The following GAMT variants were observed in gnomAD, a reference collection of about 807,000 sequenced individuals.
The protein encoded by GAMT is guanidinoacetate N-methyltransferase, also known as epididymis secretory protein Li 20.
Under a neutral mutation model 26.9 loss-of-function variants are expected in GAMT, and 26 were observed. That is an observed-to-expected ratio of 0.97 (90% CI 0.71 to 1.34). The LOEUF (loss-of-function observed/expected upper bound fraction) is 1.34, where lower values mean the gene tolerates loss of function less well. GAMT is among the 40% of genes most tolerant of loss of function. The pLI is 0.00. For missense variants in GAMT, 412 were observed against 345.0 expected (o/e 1.19, Z -1.54); for synonymous variants, 169 against 149.6 (o/e 1.13, Z -0.95).
intron 1 of GAMT, 30 bp downstream of exon 1, chr19:1,401,266 C>A: frequency 7.1e-7 from 1 of 1,416,574 alleles, no homozygotes; most frequent in East Asian, 2.9e-5. Context: ...CCTGCGCCCC[C>A]GGGGGCGGTG....
At position 1,397,317 on chromosome 19, in the gene GAMT, G is replaced by T; in HGVS notation, c.*42C>A. 3 of 1,583,254 alleles carry T rather than the reference G, an allele frequency of 1.9e-6. No homozygotes were observed. The highest frequency in any genetic ancestry group is 2.6e-6 in the Non-Finnish European group (3 of 1,167,260). On this transcript the variant is annotated 3_prime_UTR_variant, in exon 6 of 6. Transcript: ENST00000252288. ...ACACCCTGGACTCCCGGCCAGGAAG[G>T]CACGGAGGAGGGCATGGGTGTGGCC...
intron 5 of GAMT, chr19:1,397,739 C>A: frequency 7.1e-7 from 1 of 1,408,658 alleles, no homozygotes; most frequent in Non-Finnish European, 9.3e-7. Flanking sequence ...CGAGCCACCC[C>A]CGGGCACCTA....
intron 1 of GAMT, among the ~76,000 whole-genome samples, chr19:1,400,749 G>C (rs2082629306): frequency 6.6e-6 from 1 of 152,204 alleles, no homozygotes; most frequent in South Asian, 2.1e-4. Flanking sequence ...CATTTTCAGG[G>C]TGGGAACACT....
rs1555777024 is a variant in GAMT, at chr19:1,398,979, G to A, written c.507C>T (p.Cys169=). 21 of 1,613,366 alleles carry A rather than the reference G, an allele frequency of 1.3e-5. No individual in the cohort carries two copies. In the East Asian group the frequency reaches 4.2e-4, roughly 33 times the overall value. ...LLKPGGVLTY[C]NLTSWGELMK... ...TCAGCTCCCCCCAGGAGGTGAGGTT[G>A]CAGTAGGTGAGGACGCCCCCCGGCT... Residue 169 remains cysteine (C), a synonymous_variant, in exon 5 of 6, where the codon TGC becomes TGT. Transcript: ENST00000252288.
chr19:1,399,244 C>T lies in GAMT; in HGVS notation c.392-49G>A. ...GCGGTCAGGGCCGGGCTCAGCGCCT[C>T]ACCCAGCCTCACCCGGCTCATCCCC... On this transcript the variant is annotated intron_variant, in intron 3 of 5. Transcript: ENST00000252288. This position sits in a 1 kb window ranked among gnomAD's most constrained non-coding sequence, Gnocchi z 6.2. The T allele has an allele frequency of 6.3e-7, 1 of 1,584,010 alleles. No homozygotes were observed. Among genetic ancestry groups the T allele is most frequent in the South Asian group, 1.1e-5 (1 of 90,490 alleles).
intron 1 of GAMT, among the ~76,000 whole-genome samples, chr19:1,400,680 A>G (rs266807): frequency 0.37 from 56,026 of 152,164 alleles, 11,952 homozygotes; most frequent in Non-Finnish European, 0.49. Flanking sequence ...ACTGGTCCCC[A>G]GTGGGCCACA....
rs774689819 is a variant in GAMT at position 1,399,840 on chromosome 19, C to T, written c.280G>A (p.Gly94Ser). The T allele has an allele frequency of 3.8e-6, 6 of 1,593,840 alleles. No homozygotes were observed. Among genetic ancestry groups the T allele is most frequent in the South Asian group, 1.1e-5 (1 of 88,040 alleles). The change falls in exon 2 of 6, where the codon GGC (glycine) becomes AGC (serine). Residue 94 changes from glycine (G) to serine (S), a missense_variant. Physicochemically the swap from Gly to Ser is moderately conservative, Grantham distance 56 (BLOSUM62 0). Transcript: ENST00000252288. The surrounding 1 kb of genome is among the most constrained non-coding windows in gnomAD (Gnocchi z 6.2). ...CAGTCCCGGAGCCGCTGGAAGACGCCGTCATTGCACTCGATGATCCAATGC... is the reference window on the plus strand; with the variant it reads ...CAGTCCCGGAGCCGCTGGAAGACGCTGTCATTGCACTCGATGATCCAATGC... ...DEHWIIECND[G>S]VFQRLRDWAP... is the part of the protein sequence containing the mutation.
At position 1,399,543 on chromosome 19, in the gene GAMT, C is replaced by G. The variant is rs748762855; in HGVS notation, c.372G>C (p.Leu124=). ...CCTCACCATCAAAGTGACCGTCAGGCAGGGTGGGTGCCACATCCTCCCACA... is the reference window on the plus strand; with the variant it reads ...CCTCACCATCAAAGTGACCGTCAGGGAGGGTGGGTGCCACATCCTCCCACA... ...KGLWEDVAPT[L]PDGHFDGILY... is the part of the protein sequence containing the mutation. The change falls in exon 3 of 6, where the codon CTG becomes CTC. Residue 124 remains leucine, a synonymous_variant. Transcript: ENST00000252288. The surrounding 1 kb of genome is among the most constrained non-coding windows in gnomAD (Gnocchi z 6.2). 2 of 1,613,168 alleles carry G rather than the reference C, an allele frequency of 1.2e-6. No individual in the cohort carries two copies. Among genetic ancestry groups the G allele is most frequent in the Non-Finnish European group, 1.7e-6 (2 of 1,179,794 alleles).
rs1600158820 is a variant in GAMT at position 1,399,429 on chromosome 19, C to A, written c.391+95G>T. ...GGCCCACACCCACTTGGGCTCTGTC[C>A]CCCCAGTGCACATCAGAGGGACCCC... On this transcript the variant is annotated intron_variant, in intron 3 of 5. Coordinates refer to ENST00000252288, the MANE Select transcript of GAMT (RefSeq NM_000156.6). This position sits in a 1 kb window ranked among gnomAD's most constrained non-coding sequence, Gnocchi z 6.2. 8.1e-7 allele frequency: 1 copy of A among 1,230,446 alleles called. No homozygotes were observed. The allele number at this position is 1,230,446 out of a possible 1,614,324, so 76.2% of individuals were successfully genotyped here. A position where few individuals can be genotyped will look rare whatever the true frequency, so the allele number is the denominator to read the frequency against.
Position 1,401,534 on chromosome 19 carries a change from C to A in GAMT, c.-58G>T, listed in dbSNP as rs2082634555. 8.4e-7 allele frequency: 1 copy of A among 1,191,066 alleles called. No homozygotes were observed. The highest frequency in any genetic ancestry group is 1.1e-6 in the Non-Finnish European group (1 of 947,094). 73.8% of individuals were successfully genotyped at this position (1,191,066 alleles called of 1,614,324 possible). A position where few individuals can be genotyped will look rare whatever the true frequency, so the allele number is the denominator to read the frequency against. ...GCGCGCCGCCCGGGCCCGCTCCCTG[C>A]AGGGGCTTGTGGGCCGGGGGCGGGT... is the stretch of plus-strand genomic sequence containing the variant. On this transcript the variant is annotated 5_prime_UTR_variant, in exon 1 of 6. Transcript: ENST00000252288.
At position 1,399,014 on chromosome 19, in the gene GAMT, G is replaced by A. The variant is rs758217156; in HGVS notation, c.472C>T (p.Arg158Cys). ...AGGACGCCCCCCGGCTTCAGCAGGC[G>A]AAAGGCGTGGTTCTGTGGAAGGGGA... ...QFNFIKNHAF[R>C]LLKPGGVLTY... is the part of the protein sequence containing the mutation. Residue 158 changes from arginine (R) to cysteine (C), a missense_variant, in exon 5 of 6, where the codon CGC becomes TGC. Transcript: ENST00000252288. This position sits in a 1 kb window ranked among gnomAD's most constrained non-coding sequence, Gnocchi z 6.2. The A allele has an allele frequency of 2.2e-5, 35 of 1,613,480 alleles. No individual in the cohort carries two copies. Among genetic ancestry groups the A allele is most frequent in the Admixed American group, 5.0e-5 (3 of 60,020 alleles).
intron 1 of GAMT, 47 bp downstream of exon 1, chr19:1,401,249 A>C (rs992371976): frequency 1.5e-6 from 2 of 1,351,810 alleles, no homozygotes; most frequent in Non-Finnish European, 1.9e-6. Flanking sequence ...CCCCGGCCTC[A>C]GTTTCCCCTG....
Position 1,399,331 on chromosome 19 carries a change from G to T in GAMT, c.392-136C>A. ...AGAGGTGGGGCTCCCACACAGGCTT[G>T]AGAACCCCGAGATCGCCTCCAGGGC... On this transcript the variant is annotated intron_variant, in intron 3 of 5. Transcript: ENST00000252288. The surrounding 1 kb of genome is among the most constrained non-coding windows in gnomAD (Gnocchi z 6.2). 1 of 1,109,614 alleles carries T rather than the reference G, an allele frequency of 9.0e-7. No homozygotes were observed. Among genetic ancestry groups the T allele is most frequent in the Non-Finnish European group, 1.4e-6 (1 of 740,588 alleles). The allele number at this position is 1,109,614 out of a possible 1,614,324, so 68.7% of individuals were successfully genotyped here. A position where few individuals can be genotyped will look rare whatever the true frequency, so the allele number is the denominator to read the frequency against.
chr19:1,400,542 C>A (rs1022415840), intron 1 of GAMT, among the ~76,000 whole-genome samples: 2 of 152,162 alleles, frequency 1.3e-5, no homozygotes, highest in Non-Finnish European at 2.9e-5. Flanking sequence ...GCCCAGCCCA[C>A]GCTGTTTGTC....
chr19:1,397,302 C>G lies in GAMT; in HGVS notation c.*57G>C. 6.4e-7 allele frequency: 1 copy of G among 1,561,418 alleles called. No individual in the cohort carries two copies. The highest frequency in any genetic ancestry group is 8.6e-7 in the Non-Finnish European group (1 of 1,156,086). ...CCCAGGGCTGGTGCGACACCCTGGA[C>G]TCCCGGCCAGGAAGGCACGGAGGAG... is the stretch of plus-strand genomic sequence containing the variant. On this transcript the variant is annotated 3_prime_UTR_variant, in exon 6 of 6. Transcript: ENST00000252288.
Position 1,399,757 on chromosome 19 carries a change from G to A in GAMT, c.327+36C>T, listed in dbSNP as rs111408094. ...GGAAGCAGTGCCCTCACCCCAAGGAGTGGGGGTCCTGGAGGGCCTGCGGGC... is the reference window on the plus strand; with the variant it reads ...GGAAGCAGTGCCCTCACCCCAAGGAATGGGGGTCCTGGAGGGCCTGCGGGC... On this transcript the variant is annotated intron_variant, in intron 2 of 5. Coordinates refer to ENST00000252288, the MANE Select transcript of GAMT (RefSeq NM_000156.6). The surrounding 1 kb of genome is among the most constrained non-coding windows in gnomAD (Gnocchi z 6.2). 71 of 1,541,804 alleles carry A rather than the reference G, an allele frequency of 4.6e-5. 2 individuals are homozygous for A. In the African/African-American group the frequency reaches 6.6e-4, roughly 14 times the overall value.
chr19:1,399,527 C>G lies in GAMT; in HGVS notation c.388G>C (p.Asp130His), dbSNP rs752002577. The G allele has an allele frequency of 6.2e-7, 1 of 1,612,792 alleles. No homozygotes were observed. The change falls in exon 3 of 6, where the codon GAT becomes CAT. Residue 130 changes from aspartate (D) to histidine (H), a missense_variant. Coordinates refer to ENST00000252288, the MANE Select transcript of GAMT (RefSeq NM_000156.6). The surrounding 1 kb of genome is among the most constrained non-coding windows in gnomAD (Gnocchi z 6.2). The part of the protein sequence containing the change: ...VAPTLPDGHF[D>H]GILYDTYPLS... ...GATACGTCCCCTCACCCCTCACCAT[C>G]AAAGTGACCGTCAGGCAGGGTGGGT...
Position 1,399,954 on chromosome 19 carries a change from G to T in GAMT, c.182-16C>A, listed in dbSNP as rs1192881636. The stretch of plus-strand genomic sequence containing the variant: ...ACCCGGCCCCCTGGGCAGACACAGG[G>T]CGCCTGGCATCACTAGGTGGGGCGG... On this transcript the variant is annotated splice_polypyrimidine_tract_variant and intron_variant, in intron 1 of 5. Coordinates refer to ENST00000252288, the MANE Select transcript of GAMT (RefSeq NM_000156.6). The surrounding 1 kb of genome is among the most constrained non-coding windows in gnomAD (Gnocchi z 6.2). 1.3e-6 allele frequency: 2 copies of T among 1,599,548 alleles called. No homozygotes were observed. Among genetic ancestry groups the T allele is most frequent in the Non-Finnish European group, 8.5e-7 (1 of 1,175,018 alleles).
At chr19:1,398,706 A>G (rs2082614841) in intron 5 of GAMT, 3 of 1,529,882 alleles carry the variant, frequency 2.0e-6, no homozygotes, top group Non-Finnish European at 2.6e-6. Context: ...GGCCTTCCAC[A>G]GTGCTGGGAT....
Sources: allele counts gnomAD v4.1 joint callset (sites outside exome capture counted in the v4.1 genomes callset), GRCh38; gene constraint gnomAD v4.1.1; non-coding constraint Gnocchi (gnomAD v3.1); transcripts MANE v1.5; gene names NCBI Gene and HGNC (gene_info 2026-07-23, HGNC 2026-07-21).